CSPG4: variants seen among roughly 807,000 people sequenced by gnomAD.
The protein encoded by CSPG4 is chondroitin sulfate proteoglycan 4.
CSPG4 carries 74 observed loss-of-function variants against 139.3 expected under a neutral mutation model. That is an observed-to-expected ratio of 0.53 (90% CI 0.44 to 0.64). CSPG4 has a LOEUF of 0.64. Among genes scored for constraint, CSPG4 ranks in the 30% least tolerant of loss-of-function variants. The probability of loss-of-function intolerance (pLI) is 0.00; values close to 1 mark genes in which losing one functional copy is unlikely to be tolerated. For synonymous variants in CSPG4, 1,234 were observed against 1,394.2 expected, an observed-to-expected ratio of 0.89 and a Z score of 2.56; for missense variants, 2,565 against 3,148.3, an observed-to-expected ratio of 0.81 and a Z score of 4.43.
chr15:75,678,321 T>G (rs1390330523), intron 8 of CSPG4, among the ~76,000 whole-genome samples: 1 of 152,170 alleles, frequency 6.6e-6, no homozygotes, highest in Admixed American at 6.5e-5. Flanking sequence ...GCTATTCTTT[T>G]GTCTCACTTA....
At chr15:75,693,402 G>C (rs1279238796) in intron 1 of CSPG4, among the ~76,000 whole-genome samples, 169 bp from the exon 2 acceptor site, 1 of 152,244 alleles carries the variant, frequency 6.6e-6, no homozygotes, top group East Asian at 1.9e-4. Flanking sequence ...GCATCTTCTT[G>C]GTCCTGGCAC....
intron 1 of CSPG4, among the ~76,000 whole-genome samples, chr15:75,699,716 CGGG>C (rs1487194019): frequency 6.6e-6 from 1 of 152,036 alleles, no homozygotes; most frequent in African/African-American, 2.4e-5. Flanking sequence ...AGGGCTGGGC[CGGG>C]GGAGGAGGAA....
intron 1 of CSPG4, among the ~76,000 whole-genome samples, chr15:75,704,083 G>A (rs1390325025): frequency 1.8e-4 from 25 of 135,742 alleles, no homozygotes; most frequent in Admixed American, 1.6e-3. Flanking sequence ...GGGAGTCCTG[G>A]CAGGCTGGGC....
chr15:75,712,736 G>T lies in CSPG4; in HGVS notation c.20C>A (p.Pro7His), dbSNP rs781673992. Residue 7 changes from proline to histidine, a missense_variant, in exon 1 of 10, where the codon CCC (proline) becomes CAC (histidine). Pro to His is a moderately conservative substitution (Grantham distance 77, BLOSUM62 -2). Coordinates refer to ENST00000308508, the MANE Select transcript of CSPG4 (RefSeq NM_001897.5). Reference sequence around the variant, plus strand: ...GGCCAGGCCGGGGGCTGGAAGTGGGGGCCGCGGCCCGGACTGCATCCCGGC... The same window carrying T: ...GGCCAGGCCGGGGGCTGGAAGTGGGTGCCGCGGCCCGGACTGCATCCCGGC... MQSGPR[P>H]PLPAPGLALA... 8 of 1,556,032 alleles carry T rather than the reference G, an allele frequency of 5.1e-6. No individual in the cohort carries two copies. Among genetic ancestry groups the T allele is most frequent in the Non-Finnish European group, 7.0e-6 (8 of 1,150,582 alleles).
chr15:75,690,212 G>A lies in CSPG4; in HGVS notation c.853C>T (p.His285Tyr). The A allele has an allele frequency of 6.2e-7, 1 of 1,613,396 alleles. No individual in the cohort carries two copies. The highest frequency in any genetic ancestry group is 8.5e-7 in the Non-Finnish European group (1 of 1,179,870). Residue 285 changes from histidine to tyrosine, a missense_variant, in exon 3 of 10, where the codon CAT (histidine) becomes TAT (tyrosine). By Grantham distance (83) the His-to-Tyr change is moderately conservative. Coordinates refer to ENST00000308508, the MANE Select transcript of CSPG4 (RefSeq NM_001897.5). ...GCATTGATGTGGACACTGACCTCAT[G>A]GGGCTGCCCATCGGCCACAGGCACA... is the stretch of plus-strand genomic sequence containing the variant. ...NSVPVADGQPHEVSVHINAHR... is the reference protein window; with the variant it reads ...NSVPVADGQPYEVSVHINAHR...
rs375568191 is a variant in CSPG4, at chr15:75,683,076, C to T, written c.4450-35G>A. The T allele has an allele frequency of 6.3e-5, 100 of 1,587,320 alleles. No individual in the cohort carries two copies. In the Middle Eastern group the frequency reaches 1.4e-3, roughly 21 times the overall value. On this transcript the variant is annotated intron_variant, in intron 5 of 9. Transcript: ENST00000308508. ...CAGGCCTGTGAAGGTTCTGCCTTGC[C>T]GCACTCACCCACCCCTTCCTCCCCG...
chr15:75,687,385 T>TGTTG lies in CSPG4; in HGVS notation c.3679_3680insCAAC (p.Gln1227ProfsTer31). The TGTTG allele has an allele frequency of 6.2e-7, 1 of 1,612,902 alleles. No individual in the cohort carries two copies. The highest frequency in any genetic ancestry group is 1.1e-5 in the South Asian group (1 of 91,066). ...TGGGCCCTCTAGGGCAATGGTCACT[T>TGTTG]GTAGGGTGGCATCCGTGTGCACTGG... On this transcript the variant is annotated frameshift_variant, in exon 3 of 10. Coordinates refer to ENST00000308508, the MANE Select transcript of CSPG4 (RefSeq NM_001897.5). LOFTEE classifies it high-confidence loss of function. This position sits in a 1 kb window ranked among gnomAD's most constrained non-coding sequence, Gnocchi z 5.4.
chr15:75,687,912 A>C lies in CSPG4; in HGVS notation c.3153T>G (p.Phe1051Leu). ...DVAFSDADSG[F>L]ADAQLVLTRK... ...GGGTAAGCACCAGCTGGGCGTCAGC[A>C]AAGCCCGAGTCAGCATCGCTGAAGG... is the stretch of plus-strand genomic sequence containing the variant. Residue 1051 changes from phenylalanine (F) to leucine (L), a missense_variant, in exon 3 of 10, where the codon TTT becomes TTG. Physicochemically the swap from Phe to Leu is conservative, Grantham distance 22 (BLOSUM62 0). This residue lies in a region of CSPG4 where 2,316 missense variants were observed against 2,818.2 expected (regional missense o/e 0.82). Coordinates refer to ENST00000308508, the MANE Select transcript of CSPG4 (RefSeq NM_001897.5). This position sits in a 1 kb window ranked among gnomAD's most constrained non-coding sequence, Gnocchi z 5.4. 1 of 1,612,960 alleles carries C rather than the reference A, an allele frequency of 6.2e-7. No individual in the cohort carries two copies. The highest frequency in any genetic ancestry group is 1.7e-5 in the Admixed American group (1 of 60,030).
chr15:75,694,309 GC>G lies in CSPG4; in HGVS notation c.89-1077del, dbSNP rs375177443. Among the ~76,000 whole-genome samples the G allele has an allele frequency of 3.8e-4, 58 of 152,362 alleles. 1 individual carries two copies. The highest frequency in any genetic ancestry group is 1.4e-3 in the African/African-American group (58 of 41,582). Reference sequence around the variant, plus strand: ...TCCTCCAGTCAGTTTCCCCAGATTAGCCTCCCTGACTTCCAACCCGCTGCCA... The same window carrying G: ...TCCTCCAGTCAGTTTCCCCAGATTAGCTCCCTGACTTCCAACCCGCTGCCA... On this transcript the variant is annotated intron_variant, in intron 1 of 9. Coordinates refer to ENST00000308508, the MANE Select transcript of CSPG4 (RefSeq NM_001897.5).
chr15:75,684,868 T>A lies in CSPG4; in HGVS notation c.4317A>T (p.Thr1439=). 6.2e-7 allele frequency: 1 copy of A among 1,613,372 alleles called. No homozygotes were observed. Among genetic ancestry groups the A allele is most frequent in the Non-Finnish European group, 8.5e-7 (1 of 1,179,666 alleles). Residue 1439 remains threonine, a synonymous_variant, in exon 5 of 10, where the codon ACA becomes ACT. Coordinates refer to ENST00000308508, the MANE Select transcript of CSPG4 (RefSeq NM_001897.5). ...LIRYVHDGSE[T]LTDSFVLMAN... Reference sequence around the variant, plus strand: ...CCATCAGGACAAAACTGTCTGTCAGTGTCTCGCTCCCGTCATGCACGTAGC... The same window carrying A: ...CCATCAGGACAAAACTGTCTGTCAGAGTCTCGCTCCCGTCATGCACGTAGC...
chr15:75,684,839 T>G lies in CSPG4; in HGVS notation c.4346A>C (p.Asn1449Thr), dbSNP rs1373840153. 1.2e-6 allele frequency: 2 copies of G among 1,613,480 alleles called. No homozygotes were observed. The highest frequency in any genetic ancestry group is 1.7e-6 in the Non-Finnish European group (2 of 1,179,860). ...GCTCTGGCGATCCATCTCGGAGGCATTAGCCATCAGGACAAAACTGTCTGT... is the reference window on the plus strand; with the variant it reads ...GCTCTGGCGATCCATCTCGGAGGCAGTAGCCATCAGGACAAAACTGTCTGT... ...TLTDSFVLMA[N>T]ASEMDRQSHP... Residue 1449 changes from asparagine (N) to threonine (T), a missense_variant, in exon 5 of 10, where the codon AAT becomes ACT. Physicochemically the swap from Asn to Thr is moderately conservative, Grantham distance 65. Around this residue, in one of 5 missense-constraint regions of CSPG4, gnomAD observed 2,316 missense variants for 2,818.2 expected, o/e 0.82. Coordinates refer to ENST00000308508, the MANE Select transcript of CSPG4 (RefSeq NM_001897.5).
intron 1 of CSPG4, among the ~76,000 whole-genome samples, chr15:75,701,357 C>G (rs1004309326): frequency 6.6e-6 from 1 of 152,140 alleles, no homozygotes; most frequent in African/African-American, 2.4e-5. Context: ...TCAGGCAGAG[C>G]TGTCCCACCA....
chr15:75,702,230 C>T (rs1481571168), intron 1 of CSPG4, among the ~76,000 whole-genome samples: 2 of 152,230 alleles, frequency 1.3e-5, no homozygotes, highest in African/African-American at 4.8e-5. Flanking sequence ...GGACACTCCA[C>T]GCCTCCGTCT....
At position 75,682,733 on chromosome 15, in the gene CSPG4, C is replaced by T. The variant is rs1185686905; in HGVS notation, c.4657G>A (p.Asp1553Asn). The change falls in exon 7 of 10, where the codon GAT becomes AAT. Residue 1553 changes from aspartate (D) to asparagine (N), a missense_variant. Asp to Asn is a conservative substitution (Grantham distance 23). Around this residue, in one of 5 missense-constraint regions of CSPG4, gnomAD observed 2,316 missense variants for 2,818.2 expected, o/e 0.82. Coordinates refer to ENST00000308508, the MANE Select transcript of CSPG4 (RefSeq NM_001897.5). ...LVLFSHRGTL[D>N]GGFRFRLSDG... is the part of the protein sequence containing the mutation. ...GAGAGGCGGAAGCGGAAGCCTCCAT[C>T]CAGGGTTCCTGGGGACAGGGGCATT... The T allele has an allele frequency of 6.8e-6, 11 of 1,612,772 alleles. No homozygotes were observed. Among genetic ancestry groups the T allele is most frequent in the Non-Finnish European group, 9.3e-6 (11 of 1,180,006 alleles).
chr15:75,681,353 C>CCAGAAAGG (rs57212485), intron 8 of CSPG4, among the ~76,000 whole-genome samples: 2 of 151,812 alleles, frequency 1.3e-5, no homozygotes, highest in African/African-American at 4.8e-5. Flanking sequence ...GAGTCCCTGC[C>CCAGAAAGG]GAGCTAGGAA....
chr15:75,688,043 G>A lies in CSPG4; in HGVS notation c.3022C>T (p.Arg1008Ter), dbSNP rs1229495276. ...MAWEEVRGVFRVAIQPVNDHA... is the reference protein window; with the variant it reads ...MAWEEVRGVF ...TCATTCACGGGCTGGATGGCCACTC[G>A]GAAGACACCCCGTACCTCCTCCCAG... Residue 1008 changes from arginine (R) to a stop codon, truncating the protein, a stop_gained, in exon 3 of 10, where the codon CGA (arginine) becomes TGA (stop). Coordinates refer to ENST00000308508, the MANE Select transcript of CSPG4 (RefSeq NM_001897.5). LOFTEE classifies it high-confidence loss of function. The A allele has an allele frequency of 3.7e-6, 6 of 1,612,154 alleles. No individual in the cohort carries two copies. Among genetic ancestry groups the A allele is most frequent in the South Asian group, 2.2e-5 (2 of 90,992 alleles).
At position 75,712,744 on chromosome 15, in the gene CSPG4, C is replaced by T. The variant is rs1419722201; in HGVS notation, c.12G>A (p.Gly4=). MQS[G]PRPPLPAPGL... is the part of the protein sequence containing the mutation. Reference sequence around the variant, plus strand: ...CGGGGGCTGGAAGTGGGGGCCGCGGCCCGGACTGCATCCCGGCGGGCTGGG... The same window carrying T: ...CGGGGGCTGGAAGTGGGGGCCGCGGTCCGGACTGCATCCCGGCGGGCTGGG... The change falls in exon 1 of 10, where the codon GGG becomes GGA. Residue 4 remains glycine, a synonymous_variant. Coordinates refer to ENST00000308508, the MANE Select transcript of CSPG4 (RefSeq NM_001897.5). 6 of 1,551,042 alleles carry T rather than the reference C, an allele frequency of 3.9e-6. No individual in the cohort carries two copies. The highest frequency in any genetic ancestry group is 2.0e-5 in the Admixed American group (1 of 51,212).
At chr15:75,694,570 G>A (rs1204433727) in intron 1 of CSPG4, among the ~76,000 whole-genome samples, 1 of 152,252 alleles carries the variant, frequency 6.6e-6, no homozygotes, top group Non-Finnish European at 1.5e-5. Flanking sequence ...ATCCGCCTGA[G>A]TAAGCAGCTT....
Position 75,696,850 on chromosome 15 carries a change from G to C in CSPG4, c.89-3617C>G, listed in dbSNP as rs77698351. Among the ~76,000 whole-genome samples, 16,820 of 152,234 alleles carry C rather than the reference G, an allele frequency of 0.11. 1,280 individuals are homozygous for C. Among genetic ancestry groups the C allele is most frequent in the Non-Finnish European group, 0.17 (11,863 of 67,952 alleles). On this transcript the variant is annotated intron_variant, in intron 1 of 9. Transcript: ENST00000308508. The surrounding 1 kb of genome is among the most constrained non-coding windows in gnomAD (Gnocchi z 4.2). ...CTGCCAAGTCCCTTCTCAGGGGCTA[G>C]AGGAAACCTCGGTCAAGGTCCCCAG...
Sources: gnomAD v4.1 joint callset for allele counts (sites outside exome capture counted in the v4.1 genomes callset) on GRCh38, gnomAD v4.1.1 for gene constraint, gnomAD v4.1.1 regional missense constraint, Gnocchi (gnomAD v3.1) non-coding constraint, MANE v1.5 for transcripts, NCBI Gene and HGNC (gene_info 2026-07-23, HGNC 2026-07-21) for gene names.